FBLN1: variants seen among roughly 807,000 people sequenced by gnomAD.
FBLN1 encodes the protein fibulin-1.
In FBLN1, 34 loss-of-function variants were observed where a neutral mutation model predicts 89.7. The observed-to-expected ratio is 0.38, with a 90% CI of 0.29 to 0.50. The LOEUF (loss-of-function observed/expected upper bound fraction) is 0.50, where lower values mean the gene tolerates loss of function less well. Among genes scored for constraint, FBLN1 ranks in the 20% least tolerant of loss-of-function variants. The pLI, the probability that FBLN1 is intolerant of heterozygous loss-of-function variation, is 0.92. For synonymous variants in FBLN1, 393 were observed against 391.3 expected (o/e 1.00, Z -0.05); for missense variants, 777 against 988.1 (o/e 0.79, Z 2.86).
rs2087965657 is a variant in FBLN1 at position 45,502,985 on chromosome 22, C to T, written c.-1C>T. The stretch of plus-strand genomic sequence containing the variant: ...CGCCCACCGCCCGTCGCCCGCCGCC[C>T]ATGGAGCGCGCCGCGCCGTCGCGCC... On this transcript the variant is annotated 5_prime_UTR_variant, in exon 1 of 17. Coordinates refer to ENST00000327858, the MANE Select transcript of FBLN1 (RefSeq NM_006486.3). The T allele has an allele frequency of 3.3e-6, 4 of 1,208,752 alleles. No individual in the cohort carries two copies. The highest frequency in any genetic ancestry group is 3.2e-5 in the African/African-American group (2 of 62,612). 74.9% of individuals were successfully genotyped at this position (1,208,752 alleles called of 1,614,324 possible).
rs1304220268 is a variant in FBLN1, at chr22:45,581,937, G to A, written c.1972+4829G>A. ...GAAAGGGGCTGCAGGGCCAGGCCTT[G>A]GTGGATGCTGTCCTGGGGACCACGG... On this transcript the variant is annotated intron_variant, in intron 16 of 16. Coordinates refer to ENST00000327858, the MANE Select transcript of FBLN1 (RefSeq NM_006486.3). This position sits in a 1 kb window ranked among gnomAD's most constrained non-coding sequence, Gnocchi z 7.6. Among the ~76,000 whole-genome samples, 1 of 152,174 alleles carries A rather than the reference G, an allele frequency of 6.6e-6. No homozygotes were observed. Among genetic ancestry groups the A allele is most frequent in the African/African-American group, 2.4e-5 (1 of 41,446 alleles).
chr22:45,527,491 C>T (rs2088344329), intron 3 of FBLN1, among the ~76,000 whole-genome samples: 1 of 152,034 alleles, frequency 6.6e-6, no homozygotes, highest in African/African-American at 2.4e-5. Context: ...GGAGCTGGTG[C>T]ATGGTGCTAT....
intron 6 of FBLN1, 48 bp from the exon 7 acceptor site, chr22:45,533,713 A>G: frequency 1.3e-6 from 2 of 1,593,738 alleles, no homozygotes; most frequent in Non-Finnish European, 1.7e-6. Context: ...ATGTATTAGG[A>G]TGGGTCGTTC....
chr22:45,555,108 A>G (rs1308649712), intron 14 of FBLN1, among the ~76,000 whole-genome samples: 1 of 151,594 alleles, frequency 6.6e-6, no homozygotes, highest in African/African-American at 2.4e-5. Flanking sequence ...GGAGGTTGGG[A>G]CCCGTCCCCG....
At position 45,530,627 on chromosome 22, in the gene FBLN1, C is replaced by T. The variant is rs2088392514; in HGVS notation, c.485-638C>T. 6.6e-6 allele frequency among the ~76,000 whole-genome samples: 1 copy of T among 152,128 alleles called. No individual in the cohort carries two copies. The highest frequency in any genetic ancestry group is 2.4e-5 in the African/African-American group (1 of 41,410). ...TTTTTACTGCGTGCATTGCTTTAGACTTGGAGGGCGTGTGTTGGTTGTTAG... is the reference window on the plus strand; with the variant it reads ...TTTTTACTGCGTGCATTGCTTTAGATTTGGAGGGCGTGTGTTGGTTGTTAG... On this transcript the variant is annotated intron_variant, in intron 4 of 16. Transcript: ENST00000327858. This position sits in a 1 kb window ranked among gnomAD's most constrained non-coding sequence, Gnocchi z 5.4.
Position 45,574,101 on chromosome 22 carries a change from A to G in FBLN1, c.1698-410A>G, listed in dbSNP as rs2088973743. 6.6e-6 allele frequency among the ~76,000 whole-genome samples: 1 copy of G among 152,182 alleles called. No individual in the cohort carries two copies. Among genetic ancestry groups the G allele is most frequent in the African/African-American group, 2.4e-5 (1 of 41,440 alleles). The stretch of plus-strand genomic sequence containing the variant: ...CTGCCCAGCCTCACTGTGGGCTCTG[A>G]GAAGGCGGGACCATGTGTCCCTTGT... On this transcript the variant is annotated intron_variant, in intron 14 of 16. Transcript: ENST00000327858. This position sits in a 1 kb window ranked among gnomAD's most constrained non-coding sequence, Gnocchi z 4.1.
At chr22:45,565,061 G>A (rs2088890775) in intron 14 of FBLN1, 15 of 1,605,694 alleles carry the variant, frequency 9.3e-6, no homozygotes, top group Non-Finnish European at 1.3e-5. Context: ...TTGTGCCACG[G>A]GAGCATGAGC....
rs73886422 is a variant in FBLN1 at position 45,583,678 on chromosome 22, A to C, written c.1972+6570A>C. 0.09 allele frequency among the ~76,000 whole-genome samples: 13,683 copies of C among 152,224 alleles called. 814 individuals are homozygous for C. Among genetic ancestry groups the C allele is most frequent in the South Asian group, 0.17 (826 of 4,820 alleles). On this transcript the variant is annotated intron_variant, in intron 16 of 16. Transcript: ENST00000327858. This position sits in a 1 kb window ranked among gnomAD's most constrained non-coding sequence, Gnocchi z 4.5. ...GCCAGTCAGGTGAGACGCAGAGAAG[A>C]CAGCACAATCAACACAGGAAGTAAC...
rs1272348083 is a variant in FBLN1 at position 45,577,743 on chromosome 22, G to A, written c.1972+635G>A. Among the ~76,000 whole-genome samples the A allele has an allele frequency of 2.0e-5, 3 of 152,214 alleles. No homozygotes were observed. Among genetic ancestry groups the A allele is most frequent in the Non-Finnish European group, 2.9e-5 (2 of 68,046 alleles). On this transcript the variant is annotated intron_variant, in intron 16 of 16. Transcript: ENST00000327858. The surrounding 1 kb of genome is among the most constrained non-coding windows in gnomAD (Gnocchi z 6.6). ...GGAGCGTGAAGGGAGGCTGGGGCATGAGGGGACTGTGGAAGTCCTGTTGGT... is the reference window on the plus strand; with the variant it reads ...GGAGCGTGAAGGGAGGCTGGGGCATAAGGGGACTGTGGAAGTCCTGTTGGT...
intron 14 of FBLN1, among the ~76,000 whole-genome samples, chr22:45,564,393 GC>G (rs1395407445): frequency 6.6e-6 from 1 of 152,240 alleles, no homozygotes; most frequent in Non-Finnish European, 1.5e-5. Flanking sequence ...ATGTCTGAAG[GC>G]CGTGCCTAAT....
rs1385162789 is a variant in FBLN1, at chr22:45,562,430, A to T, written c.1697+11815A>T. Reference sequence around the variant, plus strand: ...CCACTGTCATGGGGTGGTGGCAGTGATCACACTAGAGAGTGCATGGTGAGG... The same window carrying T: ...CCACTGTCATGGGGTGGTGGCAGTGTTCACACTAGAGAGTGCATGGTGAGG... On this transcript the variant is annotated intron_variant, in intron 14 of 16. Coordinates refer to ENST00000327858, the MANE Select transcript of FBLN1 (RefSeq NM_006486.3). The surrounding 1 kb of genome is among the most constrained non-coding windows in gnomAD (Gnocchi z 7.8). 6.6e-6 allele frequency among the ~76,000 whole-genome samples: 1 copy of T among 152,224 alleles called. No homozygotes were observed. Among genetic ancestry groups the T allele is most frequent in the Non-Finnish European group, 1.5e-5 (1 of 68,042 alleles).
chr22:45,529,905 C>G (rs552543405), intron 4 of FBLN1, among the ~76,000 whole-genome samples: 2 of 151,896 alleles, frequency 1.3e-5, no homozygotes, highest in Non-Finnish European at 2.9e-5. Context: ...TGGGGAGGTG[C>G]CGGAAGGGGC....
chr22:45,587,744 C>T (rs1196185314), intron 16 of FBLN1, among the ~76,000 whole-genome samples: 1 of 152,174 alleles, frequency 6.6e-6, no homozygotes, highest in African/African-American at 2.4e-5. Flanking sequence ...CCCAAATATT[C>T]CATGGCCTCT....
At chr22:45,541,503 A>G in intron 9 of FBLN1, 131 bp downstream of exon 9, 2 of 1,166,320 alleles carry the variant, frequency 1.7e-6, no homozygotes, top group South Asian at 1.3e-5. Flanking sequence ...TCCCACTGTC[A>G]GTTCCCAAGC....
intron 14 of FBLN1, among the ~76,000 whole-genome samples, chr22:45,555,442 G>A (rs2088776436): frequency 6.6e-6 from 1 of 152,026 alleles, no homozygotes; most frequent in Non-Finnish European, 1.5e-5. Context: ...TGAGTCCAAT[G>A]TTTGAGGGCA....
Position 45,588,725 on chromosome 22 carries a change from A to G in FBLN1, c.1973-11582A>G, listed in dbSNP as rs559440660. 2.8e-4 allele frequency among the ~76,000 whole-genome samples: 42 copies of G among 152,102 alleles called. No homozygotes were observed. The South Asian group carries it at 5.0e-3, about 18-fold the overall frequency. On this transcript the variant is annotated intron_variant, in intron 16 of 16. Coordinates refer to ENST00000327858, the MANE Select transcript of FBLN1 (RefSeq NM_006486.3). This position sits in a 1 kb window ranked among gnomAD's most constrained non-coding sequence, Gnocchi z 5.1. ...GTCTGCACCTTCTGAAAAGCCTTTA[A>G]TATCACCGGGCACATTCATAAATTA...
At chr22:45,570,915 A>T (rs1179684522) in intron 14 of FBLN1, among the ~76,000 whole-genome samples, 1 of 152,146 alleles carries the variant, frequency 6.6e-6, no homozygotes, top group Non-Finnish European at 1.5e-5. Flanking sequence ...TCACAAGGTC[A>T]GGATTTCAAG....
Position 45,575,121 on chromosome 22 carries a change from C to T in FBLN1, c.1840+468C>T, listed in dbSNP as rs925853976. Among the ~76,000 whole-genome samples, 1 of 152,194 alleles carries T rather than the reference C, an allele frequency of 6.6e-6. No homozygotes were observed. Among genetic ancestry groups the T allele is most frequent in the East Asian group, 1.9e-4 (1 of 5,198 alleles). ...ACTTTCTTTGTGTCTGTGTCCCCCC[C>T]ACACCCACCTGGCACAGCAGCATTT... On this transcript the variant is annotated intron_variant, in intron 15 of 16. Transcript: ENST00000327858. The surrounding 1 kb of genome is among the most constrained non-coding windows in gnomAD (Gnocchi z 6.3).
At position 45,532,712 on chromosome 22, in the gene FBLN1, T is replaced by C. The variant is rs1204114301; in HGVS notation, c.545-351T>C. 2.0e-5 allele frequency among the ~76,000 whole-genome samples: 3 copies of C among 152,110 alleles called. No individual in the cohort carries two copies. Among genetic ancestry groups the C allele is most frequent in the East Asian group, 3.9e-4 (2 of 5,180 alleles). ...TGAGGAGCAGGTACATGAGGCCTAG[T>C]TGGGGCCTGGCCTTCCACGTGGAGC... On this transcript the variant is annotated intron_variant, in intron 5 of 16. Transcript: ENST00000327858. This position sits in a 1 kb window ranked among gnomAD's most constrained non-coding sequence, Gnocchi z 4.2.
Sources: allele counts gnomAD v4.1 joint callset (sites outside exome capture counted in the v4.1 genomes callset), GRCh38; gene constraint gnomAD v4.1.1; non-coding constraint Gnocchi (gnomAD v3.1); transcripts MANE v1.5; gene names NCBI Gene and HGNC (gene_info 2026-07-23, HGNC 2026-07-21).